Variants in ZCCHC8 observed in about 807,000 individuals in gnomAD.
The protein encoded by ZCCHC8 is zinc finger CCHC domain-containing protein 8.
Under a neutral mutation model 70.6 loss-of-function variants are expected in ZCCHC8, and 27 were observed. The ratio of observed to expected loss-of-function variants is 0.38; its 90% CI spans 0.28 to 0.53. The LOEUF (loss-of-function observed/expected upper bound fraction) is 0.53, where lower values mean the gene tolerates loss of function less well. Among genes scored for constraint, ZCCHC8 ranks in the 20% least tolerant of loss-of-function variants. ZCCHC8 has a pLI of 0.81. For synonymous variants in ZCCHC8, 293 were observed against 317.4 expected, an observed-to-expected ratio of 0.92 and a Z score of 0.82; for missense variants, 737 against 876.9, an observed-to-expected ratio of 0.84 and a Z score of 2.01.
At chr12:122,496,172 A>AT (rs1040365182) in intron 2 of ZCCHC8, among the ~76,000 whole-genome samples, 36 of 5,414 alleles carry the variant, frequency 6.6e-3, no homozygotes, top group African/African-American at 0.02. Flanking sequence ...GTCTCAAAAA[A>AT]TTTAAAAAAA....
chr12:122,489,631 C>T (rs1957710118), intron 4 of ZCCHC8, among the ~76,000 whole-genome samples, 168 bp from the exon 5 acceptor site: 1 of 152,166 alleles, frequency 6.6e-6, no homozygotes, highest in Non-Finnish European at 1.5e-5. Flanking sequence ...GCATGCACTA[C>T]AACTTCTTTT....
At chr12:122,493,401 A>T (rs1287975867) in intron 2 of ZCCHC8, among the ~76,000 whole-genome samples, 1 of 152,066 alleles carries the variant, frequency 6.6e-6, no homozygotes, top group African/African-American at 2.4e-5. Context: ...AGGACTAGGT[A>T]AACAAGCAGG....
chr12:122,499,283 T>A (rs1435607329), intron 1 of ZCCHC8: 1 of 190,710 alleles, frequency 5.2e-6, no homozygotes, highest in Non-Finnish European at 1.1e-5. Flanking sequence ...TTTTTTTTTT[T>A]TTTGAGACAC....
At chr12:122,486,778 C>T (rs1003497108) in intron 5 of ZCCHC8, among the ~76,000 whole-genome samples, 5 of 152,150 alleles carry the variant, frequency 3.3e-5, no homozygotes, top group African/African-American at 1.2e-4. Flanking sequence ...CCACGTTGGC[C>T]AGGCTGGTCT....
chr12:122,480,434 C>A, intron 10 of ZCCHC8, 123 bp from the exon 11 acceptor site: 166 of 642,196 alleles, frequency 2.6e-4, no homozygotes, highest in Admixed American at 3.4e-4. Flanking sequence ...AAATGGCTTT[C>A]AATTTTCATT....
Position 122,474,179 on chromosome 12 carries a change from G to A in ZCCHC8, c.1442C>T (p.Pro481Leu), listed in dbSNP as rs763778478. The stretch of plus-strand genomic sequence containing the variant: ...TGGGAGTGGAGGGGTGAAGACGGGT[G>A]GAGGAGTTCCCCGGGGGAGTGGAGG... ...DTPPLPRGTPPPVFTPPLPKG... is the reference protein window; with the variant it reads ...DTPPLPRGTPLPVFTPPLPKG... The change falls in exon 14 of 14, where the codon CCA becomes CTA. Residue 481 changes from proline (P) to leucine (L), a missense_variant. Pro to Leu is a moderately conservative substitution (Grantham distance 98, BLOSUM62 -3). Coordinates refer to ENST00000633063, the MANE Select transcript of ZCCHC8 (RefSeq NM_017612.5). 4 of 1,515,588 alleles carry A rather than the reference G, an allele frequency of 2.6e-6. No homozygotes were observed. Among genetic ancestry groups the A allele is most frequent in the Non-Finnish European group, 2.6e-6 (3 of 1,140,768 alleles). The allele number at this position is 1,515,588 out of a possible 1,614,324, so 93.9% of individuals were successfully genotyped here. A position where few individuals can be genotyped will look rare whatever the true frequency, so the allele number is the denominator to read the frequency against.
chr12:122,488,681 G>A (rs896927947), intron 5 of ZCCHC8, among the ~76,000 whole-genome samples: 1 of 151,888 alleles, frequency 6.6e-6, no homozygotes, highest in African/African-American at 2.4e-5. Context: ...GACCAGCCTG[G>A]CCAACATGGT....
rs1045472731 is a variant in ZCCHC8 at position 122,500,629 on chromosome 12, G to C, written c.199+13C>G. The stretch of plus-strand genomic sequence containing the variant: ...ACACCCGGGTGACAGGGCCCAGCGA[G>C]AGGAAAGGATATTCTCGGCGCGGAG... On this transcript the variant is annotated intron_variant, in intron 1 of 13. Transcript: ENST00000633063. This position sits in a 1 kb window ranked among gnomAD's most constrained non-coding sequence, Gnocchi z 4.8. 3 of 1,558,492 alleles carry C rather than the reference G, an allele frequency of 1.9e-6. No homozygotes were observed. Among genetic ancestry groups the C allele is most frequent in the Non-Finnish European group, 1.7e-6 (2 of 1,153,852 alleles).
chr12:122,482,406 C>T (rs891944595), intron 8 of ZCCHC8: 27 of 434,944 alleles, frequency 6.2e-5, no homozygotes, highest in Non-Finnish European at 9.4e-5. Flanking sequence ...AATATGAACA[C>T]AAATTTGAAA....
chr12:122,492,922 G>A, intron 2 of ZCCHC8, 133 bp from the exon 3 acceptor site: 1 of 625,858 alleles, frequency 1.6e-6, no homozygotes, highest in Non-Finnish European at 2.8e-6. Flanking sequence ...TCGTGCTGGA[G>A]TGCTGTGGTG....
At chr12:122,496,675 T>A (rs1372061935) in intron 2 of ZCCHC8, among the ~76,000 whole-genome samples, 1 of 152,140 alleles carries the variant, frequency 6.6e-6, no homozygotes, top group Non-Finnish European at 1.5e-5. Context: ...TTTTTAAAAA[T>A]TTTTTGTAGA....
chr12:122,482,214 T>C, intron 8 of ZCCHC8, 127 bp from the exon 9 acceptor site: 1 of 1,000,536 alleles, frequency 1.0e-6, no homozygotes, highest in Non-Finnish European at 1.4e-6. Flanking sequence ...AACGAACAAG[T>C]GTAAAAGAGG....
At chr12:122,488,142 G>A (rs775112160) in intron 5 of ZCCHC8, among the ~76,000 whole-genome samples, 2 of 151,514 alleles carry the variant, frequency 1.3e-5, no homozygotes, top group African/African-American at 2.4e-5. Context: ...AGCAATTTCC[G>A]TGACTCAGTC....
At position 122,483,776 on chromosome 12, in the gene ZCCHC8, T is replaced by C; in HGVS notation, c.502-213A>G. Reference sequence around the variant, plus strand: ...TGCTAGATCAGTTTTTCCTCTGTATTGGATCATGACTATCAGCTGCATTCT... The same window carrying C: ...TGCTAGATCAGTTTTTCCTCTGTATCGGATCATGACTATCAGCTGCATTCT... On this transcript the variant is annotated intron_variant, in intron 5 of 13. Transcript: ENST00000633063. The surrounding 1 kb of genome is among the most constrained non-coding windows in gnomAD (Gnocchi z 4.4). 1.9e-6 allele frequency: 1 copy of C among 526,960 alleles called. No homozygotes were observed. Among genetic ancestry groups the C allele is most frequent in the South Asian group, 2.5e-5 (1 of 40,066 alleles). The allele number at this position is 526,960 out of a possible 1,614,324, so 32.6% of individuals were successfully genotyped here.
intron 10 of ZCCHC8, 157 bp from the exon 11 acceptor site, chr12:122,480,468 C>A (rs1957509344): frequency 1.5e-5 from 8 of 545,232 alleles, no homozygotes; most frequent in Non-Finnish European, 1.7e-5. Context: ...ATCATTAGGA[C>A]AGAACTTTTT....
intron 5 of ZCCHC8, among the ~76,000 whole-genome samples, chr12:122,488,470 T>C (rs1233489052): frequency 6.6e-6 from 1 of 151,906 alleles, no homozygotes; most frequent in East Asian, 1.9e-4. Context: ...TGTGAGCCAC[T>C]GCACCCAGCC....
rs907795218 is a variant in ZCCHC8 at position 122,485,828 on chromosome 12, G to A, written c.502-2265C>T. On this transcript the variant is annotated intron_variant, in intron 5 of 13. Coordinates refer to ENST00000633063, the MANE Select transcript of ZCCHC8 (RefSeq NM_017612.5). ...TGGGACTACAGGCGCCCACCACCACGCCTGGCTAATTTTTTACGACGACAT... is the reference window on the plus strand; with the variant it reads ...TGGGACTACAGGCGCCCACCACCACACCTGGCTAATTTTTTACGACGACAT... Among the ~76,000 whole-genome samples, 5 of 151,968 alleles carry A rather than the reference G, an allele frequency of 3.3e-5. No individual in the cohort carries two copies. The East Asian group carries it at 9.7e-4, about 29-fold the overall frequency.
At chr12:122,484,767 GCTC>G (rs1368680236) in intron 5 of ZCCHC8, among the ~76,000 whole-genome samples, 2 of 151,988 alleles carry the variant, frequency 1.3e-5, no homozygotes, top group African/African-American at 4.8e-5. Flanking sequence ...ACTGGGCTGA[GCTC>G]CTAACAATGG....
At chr12:122,475,550 C>A (rs1314526807) in intron 13 of ZCCHC8, among the ~76,000 whole-genome samples, 1 of 152,198 alleles carries the variant, frequency 6.6e-6, no homozygotes, top group African/African-American at 2.4e-5. Context: ...AGAGTACTCT[C>A]TTTCCTTCCA....
Sources: gnomAD v4.1 joint callset for allele counts (sites outside exome capture counted in the v4.1 genomes callset) on GRCh38, gnomAD v4.1.1 for gene constraint, Gnocchi (gnomAD v3.1) non-coding constraint, MANE v1.5 for transcripts, NCBI Gene and HGNC (gene_info 2026-07-23, HGNC 2026-07-21) for gene names.